Variants in TAF15 observed in about 807,000 individuals in gnomAD.
TAF15 encodes the protein TATA-binding protein-associated factor 2N.
Under a neutral mutation model 102.5 loss-of-function variants are expected in TAF15, and 37 were observed. That is an observed-to-expected ratio of 0.36 (90% CI 0.28 to 0.47). The LOEUF (loss-of-function observed/expected upper bound fraction) is 0.47, where lower values mean the gene tolerates loss of function less well. Ranked by LOEUF, TAF15 falls within the 20% of genes least tolerant of loss-of-function variation. The pLI, the probability that TAF15 is intolerant of heterozygous loss-of-function variation, is 0.99. For synonymous variants in TAF15, 273 were observed against 259.2 expected, an observed-to-expected ratio of 1.05 and a Z score of -0.51; for missense variants, 652 against 760.7, an observed-to-expected ratio of 0.86 and a Z score of 1.68.
rs182359699 is a variant in TAF15, at chr17:35,835,017, T to C, written c.673+419T>C. Reference sequence around the variant, plus strand: ...TCTCAGCCTCCCACAGTGCTGGGAATACAGGTGTGAGCCACCACGCCCGGC... The same window carrying C: ...TCTCAGCCTCCCACAGTGCTGGGAACACAGGTGTGAGCCACCACGCCCGGC... On this transcript the variant is annotated intron_variant, in intron 9 of 15. Coordinates refer to ENST00000605844, the MANE Select transcript of TAF15 (RefSeq NM_139215.3). 2.0e-3 allele frequency among the ~76,000 whole-genome samples: 297 copies of C among 152,068 alleles called. 1 individual carries two copies. Among genetic ancestry groups the C allele is most frequent in the African/African-American group, 7.0e-3 (289 of 41,490 alleles).
intron 1 of TAF15, among the ~76,000 whole-genome samples, chr17:35,814,286 C>T (rs1428585455): frequency 1.3e-5 from 2 of 152,102 alleles, no homozygotes; most frequent in East Asian, 3.9e-4. Context: ...CTGCCTCAGC[C>T]TCCCGAGTAA....
At chr17:35,843,647 A>C (rs933098350) in intron 12 of TAF15, among the ~76,000 whole-genome samples, 7 of 152,200 alleles carry the variant, frequency 4.6e-5, no homozygotes, top group African/African-American at 1.7e-4. Flanking sequence ...AACTTTGAGC[A>C]CCGACATAAT....
At chr17:35,822,059 A>G (rs569361066) in intron 5 of TAF15, among the ~76,000 whole-genome samples, 1 of 151,884 alleles carries the variant, frequency 6.6e-6, no homozygotes, top group South Asian at 2.1e-4. Flanking sequence ...TCATAGAGAT[A>G]GGCCAGGCTC....
intron 5 of TAF15, among the ~76,000 whole-genome samples, chr17:35,821,935 G>A (rs998565611): frequency 6.6e-6 from 1 of 152,106 alleles, no homozygotes; most frequent in African/African-American, 2.4e-5. Flanking sequence ...AAACTTCAGT[G>A]ATATAGAGCC....
rs750548100 is a variant in TAF15 at position 35,838,531 on chromosome 17, G to A, written c.891G>A (p.Lys297=). 6.2e-7 allele frequency: 1 copy of A among 1,614,196 alleles called. No individual in the cohort carries two copies. The highest frequency in any genetic ancestry group is 8.5e-7 in the Non-Finnish European group (1 of 1,180,034). The change falls in exon 11 of 16, where the codon AAG becomes AAA. Residue 297 remains lysine, a synonymous_variant. Transcript: ENST00000605844. ...TVSFDDPPSA[K]AAIDWFDGKE... Reference sequence around the variant, plus strand: ...CATTTGATGACCCTCCTTCAGCTAAGGCAGCCATTGACTGGTTTGATGGTA... The same window carrying A: ...CATTTGATGACCCTCCTTCAGCTAAAGCAGCCATTGACTGGTTTGATGGTA...
At chr17:35,822,616 C>T in intron 5 of TAF15, 24 bp from the exon 6 acceptor site, 1 of 1,607,700 alleles carries the variant, frequency 6.2e-7, no homozygotes, top group Non-Finnish European at 8.5e-7. Context: ...TATGAAGTCT[C>T]TTAAGTTCTC....
chr17:35,844,793 A>T lies in TAF15; in HGVS notation c.1494A>T (p.Arg498=). 6.2e-7 allele frequency: 1 copy of T among 1,600,030 alleles called. No individual in the cohort carries two copies. Among genetic ancestry groups the T allele is most frequent in the Non-Finnish European group, 8.5e-7 (1 of 1,169,684 alleles). Residue 498 remains arginine (R), a synonymous_variant, in exon 15 of 16, where the codon CGA becomes CGT. Coordinates refer to ENST00000605844, the MANE Select transcript of TAF15 (RefSeq NM_139215.3). ...GAGGTGGAGGCTATGGTGGAGACCG[A>T]GGAGGCTATGGAGGAGATCGAGGAG... ...GDRGGGYGGD[R]GGYGGDRGGY...
At chr17:35,822,344 CAAAAAA>C (rs909362495) in intron 5 of TAF15, among the ~76,000 whole-genome samples, 7 of 67,498 alleles carry the variant, frequency 1.0e-4, no homozygotes, top group Non-Finnish European at 2.0e-4. Context: ...ACCTCTGTCT[CAAAAAA>C]AAAAAAAAAA....
chr17:35,813,969 T>C (rs1475837644), intron 1 of TAF15, among the ~76,000 whole-genome samples: 8 of 150,736 alleles, frequency 5.3e-5, no homozygotes, highest in Admixed American at 4.7e-4. Flanking sequence ...CCATTGACTT[T>C]GAATTTTCTT....
chr17:35,823,242 A>C (rs1488203209), intron 6 of TAF15, among the ~76,000 whole-genome samples: 10 of 152,356 alleles, frequency 6.6e-5, no homozygotes, highest in South Asian at 6.2e-4. Flanking sequence ...TGAATAATTG[A>C]ATAGTAAATA....
At chr17:35,834,694 G>T in intron 9 of TAF15, 96 bp downstream of exon 9, 1 of 1,121,734 alleles carries the variant, frequency 8.9e-7, no homozygotes, top group Non-Finnish European at 1.3e-6. Flanking sequence ...TAGTACAGGA[G>T]GAAGATTTAA....
chr17:35,822,805 A>G lies in TAF15; in HGVS notation c.456A>G (p.Gln152=), dbSNP rs1395666828. Residue 152 remains glutamine (Q), a synonymous_variant, in exon 6 of 16, where the codon CAA becomes CAG. Coordinates refer to ENST00000605844, the MANE Select transcript of TAF15 (RefSeq NM_139215.3). ...YSQNQQSYHS[Q]RENYSHHTQD... Reference sequence around the variant, plus strand: ...AAAACCAGCAGTCCTATCATTCACAAAGGGAAAACTACAGCCACCACACAC... The same window carrying G: ...AAAACCAGCAGTCCTATCATTCACAGAGGGAAAACTACAGCCACCACACAC... 3.1e-6 allele frequency: 5 copies of G among 1,614,166 alleles called. No homozygotes were observed. The East Asian group carries it at 8.9e-5, about 29-fold the overall frequency.
chr17:35,841,182 TA>T (rs11341792), intron 11 of TAF15, among the ~76,000 whole-genome samples: 24,462 of 152,134 alleles, frequency 0.16, 2,186 homozygotes, highest in East Asian at 0.33. Flanking sequence ...TTGGAAATGA[TA>T]AAAAAAATTT....
chr17:35,845,143 C>T (rs2087608929), intron 15 of TAF15, 105 bp downstream of exon 15: 2 of 1,391,574 alleles, frequency 1.4e-6, no homozygotes, highest in Non-Finnish European at 2.0e-6. Flanking sequence ...TTCCCATTGC[C>T]AGTTCTCTCA....
At position 35,845,025 on chromosome 17, in the gene TAF15, A is replaced by C. The variant is rs769805184; in HGVS notation, c.1726A>C (p.Lys576Gln). The change falls in exon 15 of 16, where the codon AAA becomes CAA. Residue 576 changes from lysine to glutamine, a missense_variant. Physicochemically the swap from Lys to Gln is moderately conservative, Grantham distance 53. Coordinates refer to ENST00000605844, the MANE Select transcript of TAF15 (RefSeq NM_139215.3). ...AGGAGACCGAGGTGGCTATGGAGGCAAAATGGGAGGAAGGTGAGTATTAGA... is the reference window on the plus strand; with the variant it reads ...AGGAGACCGAGGTGGCTATGGAGGCCAAATGGGAGGAAGGTGAGTATTAGA... Reference protein sequence around the residue: ...YGGDRGGYGGKMGGRNDYRND... With the variant: ...YGGDRGGYGGQMGGRNDYRND... The C allele has an allele frequency of 1.2e-6, 2 of 1,613,784 alleles. No homozygotes were observed. Among genetic ancestry groups the C allele is most frequent in the African/African-American group, 2.7e-5 (2 of 74,870 alleles).
intron 7 of TAF15, among the ~76,000 whole-genome samples, chr17:35,831,614 G>C (rs1483246752): frequency 6.6e-6 from 1 of 152,078 alleles, no homozygotes; most frequent in Admixed American, 6.6e-5. Flanking sequence ...ATTGTGGCCA[G>C]GTTTGGTATT....
chr17:35,828,544 G>A (rs1568261604), intron 7 of TAF15, among the ~76,000 whole-genome samples: 2 of 152,210 alleles, frequency 1.3e-5, no homozygotes, highest in East Asian at 3.9e-4. Flanking sequence ...GACTAGATGG[G>A]CAATATAGTA....
At chr17:35,811,427 A>G (rs1266506947) in intron 1 of TAF15, 2 of 152,210 alleles carry the variant, frequency 1.3e-5, no homozygotes, top group Admixed American at 1.3e-4. Context: ...TTAAATTAAC[A>G]TTCAATTAAT....
At position 35,836,341 on chromosome 17, in the gene TAF15, C is replaced by T. The variant is rs2143808663; in HGVS notation, c.783+100C>T. ...CTACATACTTCAGTACGCCTTGTCT[C>T]TTAAAATTTTGTGATGCACATGCTC... On this transcript the variant is annotated intron_variant, in intron 10 of 15. Coordinates refer to ENST00000605844, the MANE Select transcript of TAF15 (RefSeq NM_139215.3). The T allele has an allele frequency of 4.6e-6, 4 of 866,910 alleles. No individual in the cohort carries two copies. In the South Asian group the frequency reaches 6.2e-5, roughly 13 times the overall value. The allele number at this position is 866,910 out of a possible 1,614,324, so 53.7% of individuals were successfully genotyped here.
Sources: gnomAD v4.1 joint callset for allele counts (sites outside exome capture counted in the v4.1 genomes callset) on GRCh38, gnomAD v4.1.1 for gene constraint, MANE v1.5 for transcripts, NCBI Gene and HGNC (gene_info 2026-07-23, HGNC 2026-07-21) for gene names.